Variants in SERGEF observed in about 807,000 individuals in gnomAD.
SERGEF encodes the protein secretion regulating guanine nucleotide exchange factor.
Under a neutral mutation model 50.0 loss-of-function variants are expected in SERGEF, and 51 were observed. The observed-to-expected ratio is 1.02, with a 90% CI of 0.81 to 1.29. SERGEF has a LOEUF of 1.29. Among genes scored for constraint, SERGEF ranks in the 50% most tolerant of loss-of-function variants. The pLI is 0.00. For synonymous variants in SERGEF, 205 were observed against 212.4 expected, an observed-to-expected ratio of 0.97 and a Z score of 0.30; for missense variants, 521 against 557.0, an observed-to-expected ratio of 0.94 and a Z score of 0.65.
At chr11:17,808,568 T>A (rs550224094) in intron 10 of SERGEF, among the ~76,000 whole-genome samples, 59 of 152,132 alleles carry the variant, frequency 3.9e-4, no homozygotes, top group Non-Finnish European at 7.2e-4. Flanking sequence ...ACCTCCAACA[T>A]TGGAAATCAC....
chr11:17,804,379 A>G (rs892441324), intron 10 of SERGEF, among the ~76,000 whole-genome samples: 4 of 151,882 alleles, frequency 2.6e-5, no homozygotes, highest in African/African-American at 9.7e-5. Context: ...GCCTCCCACT[A>G]CTCCCAACTG....
chr11:17,812,351 C>T (rs1162888998), intron 10 of SERGEF, among the ~76,000 whole-genome samples: 1 of 152,186 alleles, frequency 6.6e-6, no homozygotes. Context: ...CATGGGCCTC[C>T]CCTCCTGCTG....
At chr11:17,892,202 C>T (rs1344688162) in intron 9 of SERGEF, among the ~76,000 whole-genome samples, 1 of 152,202 alleles carries the variant, frequency 6.6e-6, no homozygotes, top group Admixed American at 6.5e-5. Flanking sequence ...CTCATATCCA[C>T]ATCCTTTGCC....
intron 10 of SERGEF, among the ~76,000 whole-genome samples, chr11:17,865,673 TA>T (rs1220100793): frequency 2.6e-5 from 4 of 152,152 alleles, no homozygotes; most frequent in Non-Finnish European, 4.4e-5. Context: ...TAAAATATAT[TA>T]AAAAATATTT....
At chr11:17,852,979 C>A (rs192914963) in intron 10 of SERGEF, among the ~76,000 whole-genome samples, 8 of 152,202 alleles carry the variant, frequency 5.3e-5, no homozygotes, top group Non-Finnish European at 1.5e-5. Context: ...CATGACAGGA[C>A]CAGGGAGGGG....
intron 9 of SERGEF, among the ~76,000 whole-genome samples, chr11:17,912,101 A>G (rs764252743): frequency 6.6e-6 from 1 of 152,222 alleles, no homozygotes; most frequent in Non-Finnish European, 1.5e-5. Context: ...GAAACAAAAC[A>G]AAACAAACAG....
At chr11:17,812,817 G>A (rs1419882844) in intron 10 of SERGEF, among the ~76,000 whole-genome samples, 3 of 152,176 alleles carry the variant, frequency 2.0e-5, no homozygotes, top group Non-Finnish European at 4.4e-5. Flanking sequence ...TTTCTGAATT[G>A]AATCAACAGC....
chr11:17,793,309 T>C (rs1849516623), intron 10 of SERGEF, among the ~76,000 whole-genome samples: 2 of 151,594 alleles, frequency 1.3e-5, no homozygotes, highest in Admixed American at 6.6e-5. Flanking sequence ...AACAAGCCTA[T>C]AGGAAAAAAA....
intron 10 of SERGEF, among the ~76,000 whole-genome samples, chr11:17,864,677 A>G (rs1850989868): frequency 6.6e-6 from 1 of 152,208 alleles, no homozygotes; most frequent in Admixed American, 6.5e-5. Flanking sequence ...GGGACAGAGC[A>G]CTGGTAACCA....
At chr11:17,985,552 A>G (rs1450997466) in intron 8 of SERGEF, among the ~76,000 whole-genome samples, 2 of 152,228 alleles carry the variant, frequency 1.3e-5, no homozygotes, top group African/African-American at 4.8e-5. Context: ...AATGATCGGG[A>G]ACATTAAGCA....
At chr11:17,981,119 C>A (rs1460193585) in intron 8 of SERGEF, among the ~76,000 whole-genome samples, 1 of 152,206 alleles carries the variant, frequency 6.6e-6, no homozygotes, top group Non-Finnish European at 1.5e-5. Flanking sequence ...CTAGAGCCTG[C>A]AGTGTCTGGG....
chr11:18,011,176 AG>A (rs1439747217), intron 1 of SERGEF, among the ~76,000 whole-genome samples: 1 of 146,932 alleles, frequency 6.8e-6, no homozygotes, highest in East Asian at 2.0e-4. Context: ...ACCCCTAACA[AG>A]GTAAATCCCC....
At chr11:18,012,798 G>A in intron 1 of SERGEF, 153 bp downstream of exon 1, 5 of 502,250 alleles carry the variant, frequency 1.0e-5, no homozygotes, top group East Asian at 7.4e-5. Flanking sequence ...CTCCTCCTCC[G>A]CTCCCCCTCC....
At chr11:17,977,011 G>A (rs986892880) in intron 8 of SERGEF, among the ~76,000 whole-genome samples, 2 of 152,210 alleles carry the variant, frequency 1.3e-5, no homozygotes, top group Non-Finnish European at 2.9e-5. Context: ...TCTCCAAGAA[G>A]GTAGGAAGAG....
chr11:17,961,615 T>TATTA (rs1342714479), intron 8 of SERGEF, among the ~76,000 whole-genome samples: 3 of 152,214 alleles, frequency 2.0e-5, no homozygotes, highest in African/African-American at 7.2e-5. Flanking sequence ...GTGCCACCAT[T>TATTA]ATTATATCCC....
At chr11:17,806,101 C>T (rs1849754255) in intron 10 of SERGEF, among the ~76,000 whole-genome samples, 1 of 152,114 alleles carries the variant, frequency 6.6e-6, no homozygotes, top group Non-Finnish European at 1.5e-5. Flanking sequence ...TGGCCTGGCT[C>T]CCACCCTATG....
chr11:17,847,201 G>T (rs908478500), intron 10 of SERGEF, among the ~76,000 whole-genome samples: 1 of 152,236 alleles, frequency 6.6e-6, no homozygotes, highest in Non-Finnish European at 1.5e-5. Flanking sequence ...CAGGTGGGTG[G>T]GCGCCAGAGC....
chr11:18,010,125 T>C, intron 1 of SERGEF: 1 of 1,258,548 alleles, frequency 7.9e-7, no homozygotes, highest in Non-Finnish European at 1.0e-6. Context: ...TAAATATGTT[T>C]GTTTTTGAAG....
chr11:17,920,363 A>G (rs774762289), intron 9 of SERGEF, among the ~76,000 whole-genome samples: 8 of 152,122 alleles, frequency 5.3e-5, no homozygotes, highest in Non-Finnish European at 1.0e-4. Context: ...CTAACATGGT[A>G]TTTGAGTTTA....
Sources: gnomAD v4.1 joint callset for allele counts (sites outside exome capture counted in the v4.1 genomes callset) on GRCh38, gnomAD v4.1.1 for gene constraint, MANE v1.5 for transcripts, NCBI Gene and HGNC (gene_info 2026-07-23, HGNC 2026-07-21) for gene names.